MEP1B: variants seen among roughly 807,000 people sequenced by gnomAD.
MEP1B encodes meprin A subunit beta, also known as N-benzoyl-L-tyrosyl-P-amino-benzoic acid hydrolase subunit beta.
MEP1B carries 80 observed loss-of-function variants against 84.6 expected under a neutral mutation model. The observed-to-expected ratio is 0.95, with a 90% CI of 0.79 to 1.14. The LOEUF (loss-of-function observed/expected upper bound fraction) is 1.14. Among genes scored for constraint, MEP1B ranks in the 50% most tolerant of loss-of-function variants. The pLI is 0.00. For synonymous variants in MEP1B, 273 were observed against 288.1 expected, an observed-to-expected ratio of 0.95 and a Z score of 0.53; for missense variants, 766 against 855.1, an observed-to-expected ratio of 0.90 and a Z score of 1.30.
In MEP1B at chr18:32,206,045, G is replaced by T. The variant is rs181763318; in HGVS notation, c.548-1207G>T. Among the ~76,000 whole-genome samples the T allele has an allele frequency of 1.9e-4, 29 of 151,838 alleles. No individual in the cohort carries two copies. The East Asian group carries it at 3.9e-3, about 20-fold the overall frequency. On this transcript the variant is annotated intron_variant, in intron 7 of 14. Transcript: ENST00000269202. Reference sequence around the variant, plus strand: ...TGCCCAGGCTGGAGTGCAGTGGTGCGATCTTGGCTCACTGCAACCTCCACC... The same window carrying T: ...TGCCCAGGCTGGAGTGCAGTGGTGCTATCTTGGCTCACTGCAACCTCCACC...
intron 12 of MEP1B, among the ~76,000 whole-genome samples, chr18:32,216,788 G>A (rs552183734): frequency 6.6e-6 from 1 of 151,738 alleles, no homozygotes; most frequent in Non-Finnish European, 1.5e-5. Context: ...TATAATCCCA[G>A]GACTCTGAGG....
At position 32,213,559 on chromosome 18, in the gene MEP1B, G is replaced by A. The variant is rs374350489; in HGVS notation, c.1579G>A (p.Asp527Asn). ...SITTDPFMTT[D>N]NGNYFWDRPS... ...AACTACAGACCCATTTATGACCACC[G>A]GTTCGTAACTCATTTTCTTTATTGC... The change falls in exon 11 of 15, where the codon GAT becomes AAT. Residue 527 changes from aspartate (D) to asparagine (N), a missense_variant and splice_region_variant. By Grantham distance (23) the Asp-to-Asn change is conservative. Coordinates refer to ENST00000269202, the MANE Select transcript of MEP1B (RefSeq NM_005925.3). 18 of 1,601,930 alleles carry A rather than the reference G, an allele frequency of 1.1e-5. No individual in the cohort carries two copies. Among genetic ancestry groups the A allele is most frequent in the Non-Finnish European group, 1.4e-5 (16 of 1,169,530 alleles).
At chr18:32,191,176 A>G (rs868811184) in intron 1 of MEP1B, among the ~76,000 whole-genome samples, 113 of 151,346 alleles carry the variant, frequency 7.5e-4, no homozygotes, top group African/African-American at 2.6e-3. Context: ...TAATTCAATC[A>G]CACTAAGACA....
chr18:32,204,069 A>G (rs759457251), intron 6 of MEP1B, 113 bp from the exon 7 acceptor site: 1 of 847,542 alleles, frequency 1.2e-6, no homozygotes, highest in Non-Finnish European at 1.9e-6. Flanking sequence ...CAGATGTAAG[A>G]GCAAAGGTGG....
Position 32,210,583 on chromosome 18 carries a change from T to A in MEP1B, c.1002T>A (p.Pro334=). 6.2e-7 allele frequency: 1 copy of A among 1,614,054 alleles called. No individual in the cohort carries two copies. The highest frequency in any genetic ancestry group is 1.6e-4 in the Middle Eastern group (1 of 6,062). The change falls in exon 10 of 15, where the codon CCT becomes CCA. Residue 334 remains proline, a synonymous_variant. Coordinates refer to ENST00000269202, the MANE Select transcript of MEP1B (RefSeq NM_005925.3). ...TGCTGGAAAGTAGAACGCTGTACCC[T>A]AAAAGAGGATTTCAGTGCCTGCAAT... The part of the protein sequence containing the change: ...TAVLESRTLY[P]KRGFQCLQFY...
At chr18:32,210,369 G>A (rs2041011993) in intron 9 of MEP1B, 132 bp from the exon 10 acceptor site, 1 of 732,510 alleles carries the variant, frequency 1.4e-6, no homozygotes, top group African/African-American at 1.8e-5. Context: ...TTAGGCTTCT[G>A]TCATTTCTCC....
chr18:32,196,716 G>T lies in MEP1B; in HGVS notation c.250+1231G>T. The T allele has an allele frequency of 4.7e-6, 3 of 637,038 alleles. No individual in the cohort carries two copies. The highest frequency in any genetic ancestry group is 2.3e-5 in the Admixed American group (1 of 42,768). 39.5% of individuals were successfully genotyped at this position (637,038 alleles called of 1,614,324 possible). A position where few individuals can be genotyped will look rare whatever the true frequency, so the allele number is the denominator to read the frequency against. On this transcript the variant is annotated intron_variant, in intron 5 of 14. Coordinates refer to ENST00000269202, the MANE Select transcript of MEP1B (RefSeq NM_005925.3). This position sits in a 1 kb window ranked among gnomAD's most constrained non-coding sequence, Gnocchi z 4.4. ...GTGGGCGCCCTGCAGCAGGCTGAGG[G>T]CCAGGGACAGCTGCCTGCTGGTGAA...
intron 1 of MEP1B, among the ~76,000 whole-genome samples, chr18:32,190,856 A>G (rs1204068719): frequency 6.6e-6 from 1 of 152,136 alleles, no homozygotes; most frequent in African/African-American, 2.4e-5. Flanking sequence ...CATGCAAAGC[A>G]CTTGTTAATG....
At chr18:32,210,791 A>T (rs935232889) in intron 10 of MEP1B, 75 bp downstream of exon 10, 1 of 1,220,188 alleles carries the variant, frequency 8.2e-7, no homozygotes, top group African/African-American at 1.5e-5. Flanking sequence ...TAATGCAACA[A>T]TTTACAATAG....
intron 8 of MEP1B, 142 bp from the exon 9 acceptor site, chr18:32,207,977 C>T: frequency 1.3e-6 from 1 of 790,542 alleles, no homozygotes; most frequent in Non-Finnish European, 2.0e-6. Flanking sequence ...AAAGAGGGAT[C>T]TTTAAGCCAC....
intron 5 of MEP1B, among the ~76,000 whole-genome samples, chr18:32,200,795 C>T (rs1048482755): frequency 2.6e-5 from 4 of 152,248 alleles, no homozygotes; most frequent in Non-Finnish European, 5.9e-5. Context: ...TGCCTTAGCA[C>T]CAAGGCAGAA....
In MEP1B at chr18:32,210,653, T is replaced by C; in HGVS notation, c.1072T>C (p.Tyr358His). Residue 358 changes from tyrosine to histidine, a missense_variant, in exon 10 of 15, where the codon TAT (tyrosine) becomes CAT (histidine). Tyr to His is a moderately conservative substitution (Grantham distance 83). Coordinates refer to ENST00000269202, the MANE Select transcript of MEP1B (RefSeq NM_005925.3). ...SGSESDQLNI[Y>H]IREYSADNVD... ...CAGTGAAAGTGATCAACTGAACATC[T>C]ATATCAGGGAGTATTCTGCAGACAA... The C allele has an allele frequency of 6.2e-7, 1 of 1,613,992 alleles. No homozygotes were observed. Among genetic ancestry groups the C allele is most frequent in the Non-Finnish European group, 8.5e-7 (1 of 1,179,850 alleles).
In MEP1B at chr18:32,190,087, T is replaced by C. The variant is rs778103041; in HGVS notation, c.17T>C (p.Leu6Pro). 1 of 1,613,564 alleles carries C rather than the reference T, an allele frequency of 6.2e-7. No homozygotes were observed. Among genetic ancestry groups the C allele is most frequent in the South Asian group, 1.1e-5 (1 of 90,990 alleles). Residue 6 changes from leucine (L) to proline (P), a missense_variant, in exon 1 of 15, where the codon CTG becomes CCG. Coordinates refer to ENST00000269202, the MANE Select transcript of MEP1B (RefSeq NM_005925.3). The part of the protein sequence containing the change: MDLWN[L>P]SWFLFLDALL... ...AGCTACAACATGGATTTATGGAATC[T>C]GTCTTGGTTTCTGTTCTTGGATGCT...
rs2144411017 is a variant in MEP1B, at chr18:32,208,272, G to C, written c.919+1G>C. ...CACTCCAACATGGGCCAGTGCCAAG[G>C]TAACAGGAGTGAGATATTCCTAGAC... On this transcript the variant is annotated splice_donor_variant, in intron 9 of 14. Coordinates refer to ENST00000269202, the MANE Select transcript of MEP1B (RefSeq NM_005925.3). LOFTEE classifies it high-confidence loss of function. The C allele has an allele frequency of 6.2e-7, 1 of 1,613,048 alleles. No individual in the cohort carries two copies. Among genetic ancestry groups the C allele is most frequent in the East Asian group, 2.2e-5 (1 of 44,864 alleles).
At chr18:32,192,534 A>T in intron 2 of MEP1B, 112 bp from the exon 3 acceptor site, 1 of 878,056 alleles carries the variant, frequency 1.1e-6, no homozygotes, top group Non-Finnish European at 1.9e-6. Context: ...TGAATCTAGT[A>T]GTCACCTGAG....
intron 10 of MEP1B, among the ~76,000 whole-genome samples, chr18:32,212,568 T>TA (rs2041039460): frequency 1.3e-5 from 2 of 152,202 alleles, no homozygotes; most frequent in Non-Finnish European, 2.9e-5. Context: ...GATAAATACT[T>TA]ACAATGCTGA....
At chr18:32,197,399 A>ATTT (rs1364818767) in intron 5 of MEP1B, among the ~76,000 whole-genome samples, 19 of 104,512 alleles carry the variant, frequency 1.8e-4, no homozygotes, top group African/African-American at 4.4e-4. Context: ...TTTATTTTTC[A>ATTT]TTTTTGTTTT....
intron 4 of MEP1B, among the ~76,000 whole-genome samples, chr18:32,194,900 G>A (rs1011103326): frequency 1.3e-5 from 2 of 151,790 alleles, no homozygotes; most frequent in African/African-American, 4.8e-5. Flanking sequence ...TTATTACCAA[G>A]GAATCTCTAT....
chr18:32,192,949 A>C, intron 4 of MEP1B, 132 bp downstream of exon 4: 3 of 655,520 alleles, frequency 4.6e-6, no homozygotes, highest in Non-Finnish European at 8.0e-6. Flanking sequence ...TCATGGTGAC[A>C]CATTTATTCA....
Sources: gnomAD v4.1 joint callset for allele counts (sites outside exome capture counted in the v4.1 genomes callset) on GRCh38, gnomAD v4.1.1 for gene constraint, Gnocchi (gnomAD v3.1) non-coding constraint, MANE v1.5 for transcripts, NCBI Gene and HGNC (gene_info 2026-07-23, HGNC 2026-07-21) for gene names.